ALK: variants seen among roughly 807,000 people sequenced by gnomAD.
The protein encoded by ALK is ALK receptor tyrosine kinase, also known as ALK tyrosine kinase receptor.
In ALK, 74 loss-of-function variants were observed where a neutral mutation model predicts 163.1. The ratio of observed to expected loss-of-function variants is 0.45; its 90% CI spans 0.38 to 0.55. ALK has a LOEUF of 0.55. Among genes scored for constraint, ALK ranks in the 20% least tolerant of loss-of-function variants. The pLI is 0.00. For missense variants in ALK, 2,063 were observed against 2,105.3 expected, an observed-to-expected ratio of 0.98 and a Z score of 0.39; for synonymous variants, 960 against 843.2, an observed-to-expected ratio of 1.14 and a Z score of -2.40.
chr2:29,340,194 T>C (rs540652857), intron 5 of ALK, among the ~76,000 whole-genome samples: 2 of 152,348 alleles, frequency 1.3e-5, no homozygotes, highest in African/African-American at 4.8e-5. Flanking sequence ...CCGTAAAATA[T>C]GTCATTTTCT....
At chr2:29,712,967 T>C (rs1158400475) in intron 2 of ALK, among the ~76,000 whole-genome samples, 1 of 152,178 alleles carries the variant, frequency 6.6e-6, no homozygotes, top group Non-Finnish European at 1.5e-5. Flanking sequence ...CTGGGTGGCT[T>C]AAAATAACGG....
chr2:29,534,554 C>G (rs1342943458), intron 3 of ALK, among the ~76,000 whole-genome samples: 1 of 152,146 alleles, frequency 6.6e-6, no homozygotes, highest in Non-Finnish European at 1.5e-5. Flanking sequence ...GGTCTGAGAC[C>G]ATTCTCTGAT....
At chr2:29,559,759 G>A (rs967357669) in intron 3 of ALK, among the ~76,000 whole-genome samples, 2 of 114,236 alleles carry the variant, frequency 1.8e-5, no homozygotes, top group African/African-American at 5.8e-5. Flanking sequence ...GGTCACAGGG[G>A]AGCATGTACG....
chr2:29,703,429 A>T (rs1204083697), intron 2 of ALK, among the ~76,000 whole-genome samples: 2 of 152,180 alleles, frequency 1.3e-5, no homozygotes, highest in Non-Finnish European at 2.9e-5. Flanking sequence ...ATTTGACTCT[A>T]ATTCTGCCAT....
intron 3 of ALK, among the ~76,000 whole-genome samples, chr2:29,671,125 C>G (rs1260234083): frequency 6.6e-6 from 1 of 151,864 alleles, no homozygotes; most frequent in East Asian, 1.9e-4. Context: ...CTCTCTCTGG[C>G]CTGTTTTGTT....
At chr2:29,468,585 CA>C (rs1444331890) in intron 4 of ALK, among the ~76,000 whole-genome samples, 4 of 152,026 alleles carry the variant, frequency 2.6e-5, no homozygotes, top group African/African-American at 9.7e-5. Flanking sequence ...CTCAGTGGCT[CA>C]TGCCTGTAAT....
intron 1 of ALK, among the ~76,000 whole-genome samples, chr2:29,823,887 T>A (rs1333114091): frequency 6.6e-6 from 1 of 152,198 alleles, no homozygotes; most frequent in African/African-American, 2.4e-5. Flanking sequence ...AGTTGCATAT[T>A]AATCCCCAAG....
chr2:29,499,778 G>A (rs1227791082), intron 4 of ALK, among the ~76,000 whole-genome samples: 2 of 151,914 alleles, frequency 1.3e-5, no homozygotes, highest in Non-Finnish European at 2.9e-5. Flanking sequence ...CTTCCTGACT[G>A]ATTGAGTCTT....
intron 1 of ALK, among the ~76,000 whole-genome samples, chr2:29,822,841 C>G (rs1324942187): frequency 1.3e-5 from 2 of 152,224 alleles, no homozygotes; most frequent in Non-Finnish European, 2.9e-5. Context: ...CCTCACCTAT[C>G]AAGTGAGGCT....
At chr2:29,365,984 C>T (rs945319158) in intron 5 of ALK, among the ~76,000 whole-genome samples, 1 of 152,126 alleles carries the variant, frequency 6.6e-6, no homozygotes, top group Non-Finnish European at 1.5e-5. Context: ...CTTCATTTCC[C>T]TCCATTTAGA....
chr2:29,334,456 C>G (rs1415560938), intron 5 of ALK, among the ~76,000 whole-genome samples: 2 of 152,176 alleles, frequency 1.3e-5, no homozygotes, highest in Non-Finnish European at 1.5e-5. Flanking sequence ...GATGGAAACC[C>G]ACTGATTTAG....
At chr2:29,767,291 C>A (rs1656647318) in intron 1 of ALK, among the ~76,000 whole-genome samples, 1 of 152,162 alleles carries the variant, frequency 6.6e-6, no homozygotes, top group Non-Finnish European at 1.5e-5. Context: ...ATGTTTACTG[C>A]AACTTTTTAA....
intron 3 of ALK, among the ~76,000 whole-genome samples, chr2:29,551,557 C>CA (rs1251751379): frequency 6.6e-6 from 1 of 152,010 alleles, no homozygotes; most frequent in East Asian, 1.9e-4. Flanking sequence ...AGAACTAAGA[C>CA]AAAAAAACCC....
chr2:29,310,644 C>T (rs1379478949), intron 8 of ALK, among the ~76,000 whole-genome samples: 3 of 152,216 alleles, frequency 2.0e-5, no homozygotes. Context: ...GCTATCTCCC[C>T]GCATGGCTGG....
intron 1 of ALK, among the ~76,000 whole-genome samples, chr2:29,796,921 T>C (rs1664327287): frequency 6.6e-6 from 1 of 151,574 alleles, no homozygotes; most frequent in Non-Finnish European, 1.5e-5. Context: ...CACAACTTAC[T>C]ATCAAATGGC....
At chr2:29,514,753 T>A (rs1455993322) in intron 4 of ALK, among the ~76,000 whole-genome samples, 3 of 152,190 alleles carry the variant, frequency 2.0e-5, no homozygotes, top group Admixed American at 6.5e-5. Flanking sequence ...CCCACCTGTA[T>A]CCAACCCATC....
chr2:29,466,546 T>C (rs1323789606), intron 4 of ALK, among the ~76,000 whole-genome samples: 1 of 152,244 alleles, frequency 6.6e-6, no homozygotes, highest in African/African-American at 2.4e-5. Context: ...TTCTCATTCA[T>C]GGAAGTCATT....
chr2:29,599,186 C>CA (rs538039527), intron 3 of ALK, among the ~76,000 whole-genome samples: 8,804 of 99,958 alleles, frequency 0.088, 331 homozygotes, highest in African/African-American at 0.15. Flanking sequence ...TCTGACTCTG[C>CA]AAAAAAAAAA....
At chr2:29,585,474 G>A (rs554392349) in intron 3 of ALK, among the ~76,000 whole-genome samples, 19 of 152,016 alleles carry the variant, frequency 1.2e-4, no homozygotes, top group African/African-American at 2.7e-4. Flanking sequence ...AAACAGGTGC[G>A]TGCCACCACA....
Sources: gnomAD v4.1 joint callset for allele counts (sites outside exome capture counted in the v4.1 genomes callset) on GRCh38, gnomAD v4.1.1 for gene constraint, MANE v1.5 for transcripts, NCBI Gene and HGNC (gene_info 2026-07-23, HGNC 2026-07-21) for gene names.